Variants in NRXN1 observed in about 807,000 individuals in gnomAD.
NRXN1 encodes neurexin-1.
A neutral mutation model predicts 150.9 loss-of-function variants in NRXN1; 39 were observed. The ratio of observed to expected loss-of-function variants is 0.26; its 90% CI spans 0.20 to 0.34. The LOEUF is 0.34. Among genes scored for constraint, NRXN1 ranks in the 10% least tolerant of loss-of-function variants. The pLI, the probability that NRXN1 is intolerant of heterozygous loss-of-function variation, is 1.00. For missense variants in NRXN1, 1,815 were observed against 1,949.9 expected, an observed-to-expected ratio of 0.93 and a Z score of 1.30; for synonymous variants, 924 against 757.0, an observed-to-expected ratio of 1.22 and a Z score of -3.62.
chr2:50,078,541 A>G (rs565541385), intron 19 of NRXN1, among the ~76,000 whole-genome samples: 1 of 151,790 alleles, frequency 6.6e-6, no homozygotes, highest in East Asian at 1.9e-4. Context: ...GTTTTCAACT[A>G]ATGTCCTTTT....
intron 8 of NRXN1, among the ~76,000 whole-genome samples, chr2:50,612,630 T>C (rs1227448754): frequency 6.6e-6 from 1 of 152,192 alleles, no homozygotes; most frequent in Non-Finnish European, 1.5e-5. Context: ...CAGCAAAAGC[T>C]CCTACTTTTC....
At chr2:50,987,674 T>A (rs922308127) in intron 2 of NRXN1, among the ~76,000 whole-genome samples, 9 of 151,964 alleles carry the variant, frequency 5.9e-5, no homozygotes, top group African/African-American at 9.7e-5. Context: ...CAGCTTCTAA[T>A]AAAGGATGCA....
chr2:50,069,663 C>A (rs1361780364), intron 19 of NRXN1, among the ~76,000 whole-genome samples: 5 of 151,860 alleles, frequency 3.3e-5, no homozygotes, highest in African/African-American at 1.2e-4. Context: ...TTACATTTTT[C>A]TGAAACGTTT....
chr2:51,021,131 T>C (rs193090562), intron 2 of NRXN1, among the ~76,000 whole-genome samples: 81 of 152,144 alleles, frequency 5.3e-4, no homozygotes, highest in Non-Finnish European at 5.4e-4. Flanking sequence ...GATTTTTGCA[T>C]ACTGTTTTTT....
intron 5 of NRXN1, among the ~76,000 whole-genome samples, chr2:50,799,765 T>C (rs1439029958): frequency 2.0e-5 from 3 of 152,148 alleles, no homozygotes; most frequent in Admixed American, 6.6e-5. Flanking sequence ...AAGTTAGGTG[T>C]ATTAAATGCA....
chr2:50,197,375 C>T (rs567462263), intron 18 of NRXN1, among the ~76,000 whole-genome samples: 1 of 152,066 alleles, frequency 6.6e-6, no homozygotes, highest in Non-Finnish European at 1.5e-5. Context: ...GTTTTAGGAA[C>T]TTAGTTTCCT....
At chr2:50,644,437 A>G (rs1684505461) in intron 5 of NRXN1, among the ~76,000 whole-genome samples, 1 of 151,856 alleles carries the variant, frequency 6.6e-6, no homozygotes, top group Admixed American at 6.6e-5. Flanking sequence ...ATTTTAGAGA[A>G]GACTATCAAA....
rs796863983 is a variant in NRXN1, at chr2:50,406,116, A to G, written c.3364+59326T>C. ...TCCTCTGATACATTTTCAATCCCCT[A>G]TTTTGATGCCATATCATGCTTTTCC... On this transcript the variant is annotated intron_variant, in intron 17 of 22. Coordinates refer to ENST00000401669, the MANE Select transcript of NRXN1 (RefSeq NM_001330078.2). Among the ~76,000 whole-genome samples the G allele has an allele frequency of 3.4e-4, 52 of 152,144 alleles. 1 individual carries two copies. The highest frequency in any genetic ancestry group is 3.3e-3 in the South Asian group (16 of 4,828).
chr2:50,249,156 TAA>T (rs35936950), intron 17 of NRXN1, among the ~76,000 whole-genome samples: 71 of 142,660 alleles, frequency 5.0e-4, no homozygotes, highest in Non-Finnish European at 4.1e-4. Flanking sequence ...GACCCTTTCT[TAA>T]AAAAAAAAAA....
intron 18 of NRXN1, among the ~76,000 whole-genome samples, chr2:50,110,038 C>T (rs72878120): frequency 0.24 from 36,485 of 151,850 alleles, 4,543 homozygotes; most frequent in Middle Eastern, 0.33. Context: ...TAAGAGGAAA[C>T]TTTATTATGC....
intron 13 of NRXN1, among the ~76,000 whole-genome samples, chr2:50,504,364 T>A (rs1449513085): frequency 6.6e-6 from 1 of 152,074 alleles, no homozygotes; most frequent in Non-Finnish European, 1.5e-5. Flanking sequence ...TGCTGAAGTA[T>A]TTCGGGTTAA....
chr2:50,165,743 T>G (rs942191244), intron 18 of NRXN1, among the ~76,000 whole-genome samples: 1 of 152,206 alleles, frequency 6.6e-6, no homozygotes, highest in South Asian at 2.1e-4. Flanking sequence ...GCTTTTATGA[T>G]GAACAAATCG....
intron 2 of NRXN1, among the ~76,000 whole-genome samples, chr2:50,944,824 G>A (rs968972): frequency 0.55 from 82,991 of 152,034 alleles, 23,468 homozygotes; most frequent in Non-Finnish European, 0.64. Context: ...TGTGCTTGAA[G>A]GATGCAGACT....
chr2:49,943,732 G>A lies in NRXN1; in HGVS notation c.4188C>T (p.Asp1396=). The change falls in exon 22 of 23, where the codon GAC becomes GAT. Residue 1396 remains aspartate, a synonymous_variant. Coordinates refer to ENST00000401669, the MANE Select transcript of NRXN1 (RefSeq NM_001330078.2). ...ACCCACCTGAGCTCGGCTCACAGGG[G>A]TCAATGTCCTCATCATCGCTGGGAC... The part of the protein sequence containing the change: ...AECPSDDEDI[D]PCEPSSGGLA... 1.2e-6 allele frequency: 2 copies of A among 1,612,280 alleles called. No individual in the cohort carries two copies. Among genetic ancestry groups the A allele is most frequent in the East Asian group, 2.2e-5 (1 of 44,826 alleles).
intron 19 of NRXN1, among the ~76,000 whole-genome samples, chr2:50,061,151 T>G (rs1406125565): frequency 1.3e-5 from 2 of 152,236 alleles, no homozygotes; most frequent in African/African-American, 2.4e-5. Context: ...TTTTATTTCT[T>G]TACAAATTCA....
chr2:51,030,768 T>C (rs568148782), intron 1 of NRXN1, among the ~76,000 whole-genome samples: 8 of 152,200 alleles, frequency 5.3e-5, no homozygotes, highest in Non-Finnish European at 1.0e-4. Context: ...TTTCATATTT[T>C]AAGTGGACTC....
chr2:50,899,259 T>A (rs918971210), intron 5 of NRXN1, among the ~76,000 whole-genome samples: 14 of 152,214 alleles, frequency 9.2e-5, no homozygotes, highest in African/African-American at 3.4e-4. Flanking sequence ...CCGTAATTTC[T>A]GAAGTGCACC....
At chr2:50,344,910 C>A (rs2077829200) in intron 17 of NRXN1, among the ~76,000 whole-genome samples, 1 of 152,194 alleles carries the variant, frequency 6.6e-6, no homozygotes, top group Non-Finnish European at 1.5e-5. Flanking sequence ...CCACACCCAC[C>A]TACCCACACT....
intron 21 of NRXN1, chr2:50,019,315 C>T: frequency 2.1e-6 from 1 of 471,262 alleles, no homozygotes; most frequent in Non-Finnish European, 4.4e-6. Context: ...TTATTCTGTA[C>T]TTTTCTGGTA....
Sources: gnomAD v4.1 joint callset for allele counts (sites outside exome capture counted in the v4.1 genomes callset) on GRCh38, gnomAD v4.1.1 for gene constraint, MANE v1.5 for transcripts, NCBI Gene and HGNC (gene_info 2026-07-23, HGNC 2026-07-21) for gene names.